Variants in LTN1 observed in about 807,000 individuals in gnomAD.
LTN1 encodes the protein E3 ubiquitin-protein ligase listerin.
Under a neutral mutation model 201.2 loss-of-function variants are expected in LTN1, and 88 were observed. That is an observed-to-expected ratio of 0.44 (90% CI 0.37 to 0.52). The LOEUF (loss-of-function observed/expected upper bound fraction) is 0.52, where lower values mean the gene tolerates loss of function less well. Among genes scored for constraint, LTN1 ranks in the 20% least tolerant of loss-of-function variants. The pLI is 0.00. For missense variants in LTN1, 1,752 were observed against 2,038.7 expected, an observed-to-expected ratio of 0.86 and a Z score of 2.71; for synonymous variants, 645 against 713.5, an observed-to-expected ratio of 0.90 and a Z score of 1.53.
At chr21:28,968,304 A>G (rs1373696072) in intron 9 of LTN1, among the ~76,000 whole-genome samples, 4 of 152,114 alleles carry the variant, frequency 2.6e-5, no homozygotes, top group Non-Finnish European at 5.9e-5. Flanking sequence ...AGGCAAATCT[A>G]AGATATGAGA....
chr21:28,990,859 A>T (rs1348104522), intron 1 of LTN1, among the ~76,000 whole-genome samples: 1 of 152,198 alleles, frequency 6.6e-6, no homozygotes, highest in Non-Finnish European at 1.5e-5. Flanking sequence ...AACTGTCTAG[A>T]TCAAAGAAAC....
intron 16 of LTN1, 40 bp from the exon 17 acceptor site, chr21:28,953,416 G>A (rs1279928012): frequency 6.8e-7 from 1 of 1,478,050 alleles, no homozygotes; most frequent in Non-Finnish European, 9.1e-7. Flanking sequence ...AAAGCACTCT[G>A]TGAACAAACC....
intron 25 of LTN1, among the ~76,000 whole-genome samples, chr21:28,940,309 A>C (rs1471386374): frequency 6.6e-6 from 1 of 152,208 alleles, no homozygotes; most frequent in African/African-American, 2.4e-5. Context: ...TCCTTCTAAC[A>C]GAAAAACTAG....
chr21:28,941,517 A>G, intron 24 of LTN1, 111 bp from the exon 25 acceptor site: 1 of 847,862 alleles, frequency 1.2e-6, no homozygotes. Context: ...GTTTTCCAAA[A>G]AACGTTTTAA....
At chr21:28,933,000 A>G (rs941007550) in intron 27 of LTN1, among the ~76,000 whole-genome samples, 2 of 152,218 alleles carry the variant, frequency 1.3e-5, no homozygotes, top group African/African-American at 2.4e-5. Flanking sequence ...CACCCAGAGT[A>G]TCGAATGTCA....
Position 28,966,924 on chromosome 21 carries a change from G to T in LTN1, c.1567C>A (p.Gln523Lys). Residue 523 changes from glutamine (Q) to lysine (K), a missense_variant, in exon 10 of 30, where the codon CAG (glutamine) becomes AAG (lysine). Transcript: ENST00000361371. ...LGVSNLLQVL[Q>K]KPKSSLKSSK... Reference sequence around the variant, plus strand: ...GACTTCAATGAGCTCTTCGGCTTCTGAAGCACCTGTAATAGGTTAGATACA... The same window carrying T: ...GACTTCAATGAGCTCTTCGGCTTCTTAAGCACCTGTAATAGGTTAGATACA... 3 of 1,612,804 alleles carry T rather than the reference G, an allele frequency of 1.9e-6. No individual in the cohort carries two copies. Among genetic ancestry groups the T allele is most frequent in the Non-Finnish European group, 2.5e-6 (3 of 1,179,784 alleles).
intron 27 of LTN1, among the ~76,000 whole-genome samples, chr21:28,933,661 T>TTCTCTC (rs67814193): frequency 6.6e-6 from 1 of 151,168 alleles, no homozygotes; most frequent in African/African-American, 2.4e-5. Flanking sequence ...TGCAATACTA[T>TTCTCTC]TCTCTCTCTC....
chr21:28,940,894 T>A (rs1169946699), intron 25 of LTN1, among the ~76,000 whole-genome samples: 2 of 152,130 alleles, frequency 1.3e-5, no homozygotes, highest in South Asian at 4.1e-4. Context: ...TTGAGACCAG[T>A]CTGGGCAACA....
At chr21:28,955,922 C>CAAAAAA (rs772350234) in intron 16 of LTN1, among the ~76,000 whole-genome samples, 1 of 69,610 alleles carries the variant, frequency 1.4e-5, no homozygotes, top group Non-Finnish European at 2.9e-5. Flanking sequence ...GACTCTGTCT[C>CAAAAAA]AAAAAAAAAA....
At position 28,953,276 on chromosome 21, in the gene LTN1, C is replaced by T. The variant is rs756640145; in HGVS notation, c.3180G>A (p.Thr1060=). 4.6e-5 allele frequency: 74 copies of T among 1,604,700 alleles called. No individual in the cohort carries two copies. Among genetic ancestry groups the T allele is most frequent in the Admixed American group, 3.3e-4 (19 of 57,058 alleles). ...TACCAAGTACACGTAAGTTATCATA[C>T]GTAATATTCATTTTTTGAAGTATTT... The part of the protein sequence containing the change: ...FCEILQKMNI[T]YDNLRVLGNT... Residue 1060 remains threonine (T), a synonymous_variant, in exon 17 of 30, where the codon ACG becomes ACA. Coordinates refer to ENST00000361371, the MANE Select transcript of LTN1 (RefSeq NM_015565.3).
chr21:28,942,707 G>A (rs1238685860), intron 24 of LTN1, among the ~76,000 whole-genome samples: 1 of 151,966 alleles, frequency 6.6e-6, no homozygotes, highest in African/African-American at 2.4e-5. Flanking sequence ...AACCTTAAAG[G>A]TCCAGTTTAA....
At position 28,959,523 on chromosome 21, in the gene LTN1, G is replaced by A; in HGVS notation, c.2528C>T (p.Ser843Phe). 6.2e-7 allele frequency: 1 copy of A among 1,613,998 alleles called. No individual in the cohort carries two copies. Among genetic ancestry groups the A allele is most frequent in the Non-Finnish European group, 8.5e-7 (1 of 1,179,962 alleles). Residue 843 changes from serine to phenylalanine, a missense_variant, in exon 13 of 30, where the codon TCT becomes TTT. This residue lies in a region of LTN1 where 1,211 missense variants were observed against 1,312.8 expected (regional missense o/e 0.92). Transcript: ENST00000361371. The part of the protein sequence containing the change: ...SAKGCLLMPS[S>F]EDLLLTLFQL... ...AAAGAGAGTTAATAATAAATCTTCA[G>A]ATGATGGCATTAGCAAGCATCCTTT...
chr21:28,978,973 A>C (rs958708723), intron 6 of LTN1, among the ~76,000 whole-genome samples: 2 of 152,232 alleles, frequency 1.3e-5, no homozygotes, highest in Non-Finnish European at 2.9e-5. Flanking sequence ...TGCCTACTGA[A>C]GGCTAGAATA....
At chr21:28,989,765 T>G (rs992605591) in intron 1 of LTN1, among the ~76,000 whole-genome samples, 1 of 152,098 alleles carries the variant, frequency 6.6e-6, no homozygotes, top group Non-Finnish European at 1.5e-5. Flanking sequence ...CCCAGCACTT[T>G]AGGAGGCTGA....
intron 3 of LTN1, 57 bp from the exon 4 acceptor site, chr21:28,984,979 A>T (rs1177907597): frequency 1.6e-6 from 2 of 1,239,398 alleles, no homozygotes; most frequent in Non-Finnish European, 2.3e-6. Context: ...ACAATCACAG[A>T]CATTTCCGGA....
chr21:28,960,285 T>C (rs569221334), intron 12 of LTN1, among the ~76,000 whole-genome samples: 7 of 150,408 alleles, frequency 4.7e-5, no homozygotes, highest in Non-Finnish European at 1.0e-4. Context: ...AAGAATCACT[T>C]GAACTCAGAT....
intron 8 of LTN1, 39 bp from the exon 9 acceptor site, chr21:28,969,640 GAAGA>G: frequency 6.8e-7 from 1 of 1,472,772 alleles, no homozygotes; most frequent in Non-Finnish European, 9.1e-7. Flanking sequence ...CTTTCATGAA[GAAGA>G]AACAAGAACT....
At position 28,971,510 on chromosome 21, in the gene LTN1, G is replaced by A. The variant is rs961972361; in HGVS notation, c.811-66C>T. On this transcript the variant is annotated intron_variant, in intron 6 of 29. Coordinates refer to ENST00000361371, the MANE Select transcript of LTN1 (RefSeq NM_015565.3). The stretch of plus-strand genomic sequence containing the variant: ...AACTTGATAAGATTTTTAATTTATG[G>A]TAATAGTAGATTATTCACACTAACC... 8 of 1,438,582 alleles carry A rather than the reference G, an allele frequency of 5.6e-6. No individual in the cohort carries two copies. In the East Asian group the frequency reaches 6.9e-5, roughly 12 times the overall value. 89.1% of individuals were successfully genotyped at this position (1,438,582 alleles called of 1,614,324 possible).
intron 14 of LTN1, 33 bp from the exon 15 acceptor site, chr21:28,957,509 G>C (rs2274801): frequency 1.3e-5 from 19 of 1,487,410 alleles, no homozygotes; most frequent in Non-Finnish European, 1.6e-5. Context: ...AACTGTTGTA[G>C]TTACGCTATG....
Sources: gnomAD v4.1 joint callset for allele counts (sites outside exome capture counted in the v4.1 genomes callset) on GRCh38, gnomAD v4.1.1 for gene constraint, gnomAD v4.1.1 regional missense constraint, MANE v1.5 for transcripts, NCBI Gene and HGNC (gene_info 2026-07-23, HGNC 2026-07-21) for gene names.